TMEM132D: variants seen among roughly 807,000 people sequenced by gnomAD.
TMEM132D encodes transmembrane protein 132D.
A neutral mutation model predicts 62.3 loss-of-function variants in TMEM132D; 21 were observed. The observed-to-expected ratio is 0.34, with a 90% CI of 0.24 to 0.49. The LOEUF (loss-of-function observed/expected upper bound fraction) is 0.49. Among genes scored for constraint, TMEM132D ranks in the 20% least tolerant of loss-of-function variants. TMEM132D has a pLI of 0.99. For synonymous variants in TMEM132D, 621 were observed against 575.6 expected, an observed-to-expected ratio of 1.08 and a Z score of -1.13; for missense variants, 1,346 against 1,402.8, an observed-to-expected ratio of 0.96 and a Z score of 0.65.
At chr12:129,172,077 T>C (rs538407310) in intron 5 of TMEM132D, among the ~76,000 whole-genome samples, 168 of 152,370 alleles carry the variant, frequency 1.1e-3, no homozygotes, top group African/African-American at 3.8e-3. Flanking sequence ...CCTTCCCCAA[T>C]GATATTAGCT....
intron 4 of TMEM132D, among the ~76,000 whole-genome samples, chr12:129,291,788 T>A (rs1395724372): frequency 6.6e-6 from 1 of 152,148 alleles, no homozygotes; most frequent in Non-Finnish European, 1.5e-5. Flanking sequence ...TGGAAATGGC[T>A]ATGGGGCTAT....
intron 5 of TMEM132D, among the ~76,000 whole-genome samples, chr12:129,207,131 A>AGTT (rs1878872460): frequency 6.6e-6 from 1 of 152,176 alleles, no homozygotes; most frequent in African/African-American, 2.4e-5. Flanking sequence ...CACAAAAAGA[A>AGTT]AAAAACAAAC....
Position 129,779,795 on chromosome 12 carries a change from G to A in TMEM132D, c.80-79097C>T, listed in dbSNP as rs1182007754. Among the ~76,000 whole-genome samples the A allele has an allele frequency of 2.6e-5, 4 of 151,984 alleles. No individual in the cohort carries two copies. The highest frequency in any genetic ancestry group is 2.1e-4 in the South Asian group (1 of 4,790). ...TCGCCTCCCCACTCAAACTCATGAC[G>A]GCCTTAAGGTCTCTATGCCACTTGG... On this transcript the variant is annotated intron_variant, in intron 1 of 8. Transcript: ENST00000422113. This position sits in a 1 kb window ranked among gnomAD's most constrained non-coding sequence, Gnocchi z 4.1.
intron 1 of TMEM132D, among the ~76,000 whole-genome samples, chr12:129,822,170 G>T (rs1166230840): frequency 6.6e-6 from 1 of 152,116 alleles, no homozygotes; most frequent in Non-Finnish European, 1.5e-5. Flanking sequence ...TGGAGAGGGT[G>T]ACCAGGGGCA....
chr12:129,237,068 G>A (rs1220300084), intron 4 of TMEM132D, among the ~76,000 whole-genome samples: 2 of 152,066 alleles, frequency 1.3e-5, no homozygotes, highest in African/African-American at 4.8e-5. Context: ...GCATCCGGGG[G>A]TAAATTCCAC....
chr12:129,245,554 CTT>C (rs71449399), intron 4 of TMEM132D, among the ~76,000 whole-genome samples: 11 of 146,788 alleles, frequency 7.5e-5, no homozygotes, highest in African/African-American at 1.7e-4. Flanking sequence ...TATATTAGAA[CTT>C]TTTTTTTTTT....
chr12:129,085,677 G>A (rs1454109832), intron 5 of TMEM132D: 7 of 152,302 alleles, frequency 4.6e-5, no homozygotes, highest in Admixed American at 3.3e-4. Flanking sequence ...TGAGGAAGCC[G>A]GCAGGAGTGG....
At chr12:129,833,705 T>A (rs1442220627) in intron 1 of TMEM132D, among the ~76,000 whole-genome samples, 2 of 152,196 alleles carry the variant, frequency 1.3e-5, no homozygotes, top group African/African-American at 4.8e-5. Flanking sequence ...AGAATAAAGC[T>A]GTACCCATGT....
intron 1 of TMEM132D, among the ~76,000 whole-genome samples, chr12:129,793,073 C>CT (rs34199090): frequency 0.095 from 13,434 of 140,970 alleles, 652 homozygotes; most frequent in African/African-American, 0.12. Flanking sequence ...GCTTTTTATT[C>CT]TTTTTTTTTT....
chr12:129,253,819 C>G (rs143385456), intron 4 of TMEM132D, among the ~76,000 whole-genome samples: 45 of 152,284 alleles, frequency 3.0e-4, no homozygotes, highest in African/African-American at 1.1e-3. Context: ...GGGAGACTGG[C>G]TCTGGTGAGT....
intron 2 of TMEM132D, among the ~76,000 whole-genome samples, chr12:129,678,422 T>G (rs920542428): frequency 6.6e-6 from 1 of 152,202 alleles, no homozygotes; most frequent in Non-Finnish European, 1.5e-5. Context: ...CATTTTTATA[T>G]AGTTGTTGGC....
chr12:129,767,991 A>G (rs1475264787), intron 1 of TMEM132D, among the ~76,000 whole-genome samples: 1 of 152,124 alleles, frequency 6.6e-6, no homozygotes, highest in Non-Finnish European at 1.5e-5. Flanking sequence ...CCTTTATAAA[A>G]GCATCAGATC....
chr12:129,215,506 G>T (rs772696154), intron 4 of TMEM132D, among the ~76,000 whole-genome samples: 2 of 152,088 alleles, frequency 1.3e-5, no homozygotes, highest in Non-Finnish European at 2.9e-5. Context: ...TTAAATTAAG[G>T]TGAAAAAAAT....
At chr12:129,242,051 C>T (rs540695092) in intron 4 of TMEM132D, among the ~76,000 whole-genome samples, 53 of 152,298 alleles carry the variant, frequency 3.5e-4, no homozygotes, top group African/African-American at 1.3e-3. Context: ...GGCCAAGGGG[C>T]ACTTAGTGGC....
rs946767636 is a variant in TMEM132D at position 129,565,463 on chromosome 12, A to T, written c.969-34258T>A. Reference sequence around the variant, plus strand: ...CTAAGGTGTTGTAAAATTAATGCTCATCAGGTGTGCCTGAATTCCAAAGGG... The same window carrying T: ...CTAAGGTGTTGTAAAATTAATGCTCTTCAGGTGTGCCTGAATTCCAAAGGG... On this transcript the variant is annotated intron_variant, in intron 2 of 8. Transcript: ENST00000422113. Among the ~76,000 whole-genome samples, 12 of 152,234 alleles carry T rather than the reference A, an allele frequency of 7.9e-5. No homozygotes were observed. In the East Asian group the frequency reaches 2.3e-3, roughly 29 times the overall value.
chr12:129,887,257 T>C (rs1355723), intron 1 of TMEM132D, among the ~76,000 whole-genome samples: 4,123 of 152,190 alleles, frequency 0.027, 103 homozygotes, highest in South Asian at 0.093. Flanking sequence ...AGGCAGCTGC[T>C]CAGCTGGAGT....
intron 1 of TMEM132D, among the ~76,000 whole-genome samples, chr12:129,710,046 G>A (rs1348353625): frequency 6.6e-6 from 1 of 152,162 alleles, no homozygotes; most frequent in Non-Finnish European, 1.5e-5. Context: ...CAAAAGAAAT[G>A]TGAAAAGATC....
chr12:129,783,489 C>G (rs1374910293), intron 1 of TMEM132D, among the ~76,000 whole-genome samples: 1 of 152,206 alleles, frequency 6.6e-6, no homozygotes, highest in African/African-American at 2.4e-5. Flanking sequence ...GGACTTGCCT[C>G]TTTCCTCACA....
At chr12:129,895,469 T>G (rs1054272724) in intron 1 of TMEM132D, among the ~76,000 whole-genome samples, 19 of 152,210 alleles carry the variant, frequency 1.2e-4, no homozygotes, top group Non-Finnish European at 2.6e-4. Context: ...TTGTCTCCTG[T>G]GGTCAGTCCA....
Sources: allele counts gnomAD v4.1 joint callset (sites outside exome capture counted in the v4.1 genomes callset), GRCh38; gene constraint gnomAD v4.1.1; non-coding constraint Gnocchi (gnomAD v3.1); transcripts MANE v1.5; gene names NCBI Gene and HGNC (gene_info 2026-07-23, HGNC 2026-07-21).